The following FOXJ3 variants were observed in gnomAD, a reference collection of about 807,000 sequenced individuals.
The protein encoded by FOXJ3 is forkhead box J3.
A neutral mutation model predicts 76.1 loss-of-function variants in FOXJ3; 22 were observed. That is an observed-to-expected ratio of 0.29 (90% confidence interval 0.21 to 0.41). The LOEUF (loss-of-function observed/expected upper bound fraction) is 0.41, where lower values mean the gene tolerates loss of function less well. Ranked by LOEUF, FOXJ3 falls within the 10% of genes least tolerant of loss-of-function variation. The pLI is 1.00. For synonymous variants in FOXJ3, 269 were observed against 261.2 expected, an observed-to-expected ratio of 1.03 and a Z score of -0.29; for missense variants, 613 against 762.1, an observed-to-expected ratio of 0.80 and a Z score of 2.30.
chr1:42,278,686 G>C lies in FOXJ3; in HGVS notation c.45-14C>G. 1.3e-6 allele frequency: 2 copies of C among 1,580,102 alleles called. No individual in the cohort carries two copies. Among genetic ancestry groups the C allele is most frequent in the South Asian group, 2.2e-5 (2 of 89,530 alleles). On this transcript the variant is annotated splice_polypyrimidine_tract_variant and intron_variant, in intron 2 of 12. Coordinates refer to ENST00000361346, the MANE Select transcript of FOXJ3 (RefSeq NM_014947.5). ...TCAGATGTCATCCTGAAGGTAAATA[G>C]ACTCCTTAGTCAATATCAAGGAAAG...
intron 1 of FOXJ3, among the ~76,000 whole-genome samples, chr1:42,329,356 C>G (rs1427555948): frequency 6.6e-6 from 1 of 152,198 alleles, no homozygotes; most frequent in African/African-American, 2.4e-5. Context: ...ATCTCTTTAA[C>G]CAAAACACTA....
rs200774984 is a variant in FOXJ3, at chr1:42,194,904, G to A, written c.920C>T (p.Ser307Leu). The A allele has an allele frequency of 1.3e-5, 20 of 1,589,976 alleles. No homozygotes were observed. The highest frequency in any genetic ancestry group is 2.6e-6 in the Non-Finnish European group (3 of 1,171,786). The change falls in exon 8 of 13, where the codon TCA (serine) becomes TTA (leucine). Residue 307 changes from serine to leucine, a missense_variant. Around this residue, in one of 3 missense-constraint regions of FOXJ3, gnomAD observed 526 missense variants for 601.4 expected, o/e 0.87. Transcript: ENST00000361346. ...AGAAAACTCACCTTGTTGACTAAGT[G>A]ACTGCTCAAAAACTGACTTATAAAG... ...RSLYKSVFEQ[S>L]LSQQGLMNIP...
intron 2 of FOXJ3, among the ~76,000 whole-genome samples, chr1:42,310,227 C>A (rs1487800478): frequency 6.7e-6 from 1 of 150,292 alleles, no homozygotes; most frequent in Non-Finnish European, 1.5e-5. Flanking sequence ...CTTACTGCAA[C>A]CTCCACCTCC....
At chr1:42,304,254 G>C (rs1400157485) in intron 2 of FOXJ3, among the ~76,000 whole-genome samples, 1 of 151,644 alleles carries the variant, frequency 6.6e-6, no homozygotes, top group African/African-American at 2.4e-5. Context: ...AGCTGAAGAA[G>C]ACACCAAGAA....
chr1:42,222,883 T>C, intron 5 of FOXJ3, among the ~76,000 whole-genome samples: 1 of 152,232 alleles, frequency 6.6e-6, no homozygotes, highest in East Asian at 1.9e-4. Flanking sequence ...ATACCCTGAA[T>C]GGTATTCTCT....
intron 6 of FOXJ3, among the ~76,000 whole-genome samples, chr1:42,199,702 C>A (rs930781428): frequency 7.9e-5 from 12 of 151,272 alleles, no homozygotes; most frequent in Admixed American, 7.9e-4. Context: ...AACTGTTCAA[C>A]ACATTTATAA....
At chr1:42,320,645 T>C (rs1017002933) in intron 1 of FOXJ3, among the ~76,000 whole-genome samples, 4 of 152,202 alleles carry the variant, frequency 2.6e-5, no homozygotes, top group Admixed American at 6.5e-5. Context: ...GATCACATTA[T>C]ATGTTTAAAG....
chr1:42,300,548 G>C (rs1450465592), intron 2 of FOXJ3, among the ~76,000 whole-genome samples: 1 of 152,150 alleles, frequency 6.6e-6, no homozygotes, highest in Non-Finnish European at 1.5e-5. Flanking sequence ...GGCCAAGGCG[G>C]GTGGATCGCT....
intron 11 of FOXJ3, among the ~76,000 whole-genome samples, chr1:42,184,149 C>T (rs1328914391): frequency 6.6e-6 from 1 of 152,110 alleles, no homozygotes; most frequent in Non-Finnish European, 1.5e-5. Context: ...CTGCACCAAG[C>T]TGGAAGGGCC....
At chr1:42,227,096 A>T (rs541818523) in intron 5 of FOXJ3, among the ~76,000 whole-genome samples, 1 of 152,266 alleles carries the variant, frequency 6.6e-6, no homozygotes, top group African/African-American at 2.4e-5. Context: ...AAATATAAAA[A>T]CAAATAATTT....
intron 5 of FOXJ3, among the ~76,000 whole-genome samples, chr1:42,216,990 A>G (rs112830778): frequency 0.012 from 1,887 of 152,274 alleles, 34 homozygotes; most frequent in African/African-American, 0.042. Flanking sequence ...CAGAGAGGCT[A>G]AAAAAGCAAG....
At chr1:42,280,438 TAAAAA>T (rs71065112) in intron 2 of FOXJ3, 16 of 77,538 alleles carry the variant, frequency 2.1e-4, no homozygotes, top group Admixed American at 1.8e-3. Context: ...TCAGAGATCT[TAAAAA>T]AAAAAAAAAA....
intron 5 of FOXJ3, among the ~76,000 whole-genome samples, chr1:42,208,559 T>C (rs1557638504): frequency 6.6e-6 from 1 of 152,150 alleles, no homozygotes; most frequent in Non-Finnish European, 1.5e-5. Context: ...AAAGGTCACA[T>C]ATAATAAGTC....
At chr1:42,207,929 A>C (rs983595545) in intron 5 of FOXJ3, among the ~76,000 whole-genome samples, 1 of 152,338 alleles carries the variant, frequency 6.6e-6, no homozygotes, top group South Asian at 2.1e-4. Flanking sequence ...AATTAAGTTA[A>C]CACAGAAGAT....
At chr1:42,289,444 C>G (rs1653276885) in intron 2 of FOXJ3, among the ~76,000 whole-genome samples, 1 of 152,092 alleles carries the variant, frequency 6.6e-6, no homozygotes, top group South Asian at 2.1e-4. Context: ...ACATAGTAAG[C>G]ATTCAATAAA....
chr1:42,251,097 T>A (rs1650002644), intron 4 of FOXJ3, among the ~76,000 whole-genome samples: 1 of 151,946 alleles, frequency 6.6e-6, no homozygotes, highest in African/African-American at 2.4e-5. Context: ...TGAGCAGGCC[T>A]GGAATAAATA....
intron 4 of FOXJ3, among the ~76,000 whole-genome samples, chr1:42,231,948 CT>C (rs1414545665): frequency 1.3e-5 from 2 of 152,178 alleles, no homozygotes; most frequent in African/African-American, 4.8e-5. Context: ...TCCTTCCCCC[CT>C]ACCCCCACCC....
intron 1 of FOXJ3, among the ~76,000 whole-genome samples, chr1:42,322,957 T>C (rs1219061719): frequency 1.3e-5 from 2 of 152,052 alleles, no homozygotes; most frequent in Non-Finnish European, 2.9e-5. Context: ...TAATATAGAA[T>C]TAAAAAATAT....
intron 4 of FOXJ3, among the ~76,000 whole-genome samples, chr1:42,263,930 C>CTTTTTTTTTTTT (rs61375062): frequency 5.6e-5 from 4 of 71,396 alleles, no homozygotes; most frequent in Admixed American, 2.0e-4. Context: ...AGTAGGTTAA[C>CTTTTTTTTTTTT]TTTTTTTTTT....
Sources: allele counts gnomAD v4.1 joint callset (sites outside exome capture counted in the v4.1 genomes callset), GRCh38; gene constraint gnomAD v4.1.1; regional missense constraint gnomAD v4.1.1; transcripts MANE v1.5; gene names NCBI Gene and HGNC (gene_info 2026-07-23, HGNC 2026-07-21).